The following DOCK1 variants were observed in gnomAD, a reference collection of about 807,000 sequenced individuals.
DOCK1 encodes dedicator of cytokinesis protein 1.
In DOCK1, 138 loss-of-function variants were observed where a neutral mutation model predicts 262.7. The observed-to-expected ratio is 0.53, with a 90% CI of 0.46 to 0.61. DOCK1 has a LOEUF of 0.61. Among genes scored for constraint, DOCK1 ranks in the 20% least tolerant of loss-of-function variants. DOCK1 has a pLI of 0.00. For synonymous variants in DOCK1, 866 were observed against 867.4 expected (o/e 1.00, Z 0.03); for missense variants, 1,908 against 2,370.7 (o/e 0.80, Z 4.05).
At chr10:127,079,147 G>T (rs1212650141) in intron 23 of DOCK1, among the ~76,000 whole-genome samples, 1 of 152,152 alleles carries the variant, frequency 6.6e-6, no homozygotes, top group Admixed American at 6.5e-5. Context: ...GTTTGCACCA[G>T]ATTAAAGAAC....
intron 38 of DOCK1, among the ~76,000 whole-genome samples, chr10:127,397,350 A>G (rs11017850): frequency 0.082 from 11,769 of 143,258 alleles, 45 homozygotes; most frequent in African/African-American, 0.14. Flanking sequence ...GGTGTCTCCT[A>G]TGTGATCTGA....
intron 29 of DOCK1, among the ~76,000 whole-genome samples, chr10:127,277,637 C>T (rs2060790769): frequency 6.6e-6 from 1 of 152,068 alleles, no homozygotes; most frequent in Non-Finnish European, 1.5e-5. Context: ...GTGGCGGGCA[C>T]CTGTAATCAC....
chr10:127,361,816 T>G (rs1313220280), intron 32 of DOCK1, among the ~76,000 whole-genome samples: 1 of 152,216 alleles, frequency 6.6e-6, no homozygotes, highest in Non-Finnish European at 1.5e-5. Flanking sequence ...AGAGAAGTCA[T>G]GATTACAGGC....
chr10:127,263,167 A>G (rs1057365120), intron 29 of DOCK1, among the ~76,000 whole-genome samples: 8 of 152,198 alleles, frequency 5.3e-5, no homozygotes, highest in Admixed American at 2.0e-4. Flanking sequence ...TTACATTGCT[A>G]CTTACTTTCT....
In DOCK1 at chr10:127,005,058, C is replaced by T. The variant is rs140309807; in HGVS notation, c.986-3674C>T. ...TTGTTACTAAGAAAGGATACTTGGTCGGGTGCAGTGGCTCACACCTGTAAT... is the reference window on the plus strand; with the variant it reads ...TTGTTACTAAGAAAGGATACTTGGTTGGGTGCAGTGGCTCACACCTGTAAT... On this transcript the variant is annotated intron_variant, in intron 10 of 51. Coordinates refer to ENST00000623213, the MANE Select transcript of DOCK1 (RefSeq NM_001290223.2). Among the ~76,000 whole-genome samples, 517 of 152,092 alleles carry T rather than the reference C, an allele frequency of 3.4e-3. 5 individuals carry two copies. The highest frequency in any genetic ancestry group is 0.012 in the African/African-American group (493 of 41,510).
chr10:127,442,261 ACTC>A (rs1182388067), intron 49 of DOCK1, among the ~76,000 whole-genome samples: 6 of 151,556 alleles, frequency 4.0e-5, no homozygotes, highest in African/African-American at 1.2e-4. Flanking sequence ...GGCACAGCTG[ACTC>A]CTCCTGGGGC....
intron 23 of DOCK1, among the ~76,000 whole-genome samples, chr10:127,098,293 A>C (rs2048026327): frequency 6.6e-6 from 1 of 152,236 alleles, no homozygotes. Flanking sequence ...TGATTTGGGA[A>C]CTGATTCTAC....
chr10:127,103,749 A>T (rs185647918), intron 23 of DOCK1, among the ~76,000 whole-genome samples: 26 of 152,236 alleles, frequency 1.7e-4, no homozygotes, highest in Admixed American at 1.7e-3. Flanking sequence ...AGTTCTTGTT[A>T]ACCTTATGAG....
intron 26 of DOCK1, among the ~76,000 whole-genome samples, chr10:127,126,626 C>T (rs1409898631): frequency 6.6e-6 from 1 of 152,166 alleles, no homozygotes; most frequent in Admixed American, 6.5e-5. Context: ...AAGTCTGACC[C>T]TGTGCCTTTC....
intron 1 of DOCK1, among the ~76,000 whole-genome samples, chr10:126,947,734 TGTTGGTGGTG>T: frequency 6.8e-6 from 1 of 146,894 alleles, no homozygotes; most frequent in Non-Finnish European, 1.5e-5. Flanking sequence ...GTAGTATTAC[TGTTGGTGGTG>T]ATGGTGGTGG....
chr10:127,144,011 GCTC>G (rs974607458), intron 27 of DOCK1, among the ~76,000 whole-genome samples: 16 of 152,054 alleles, frequency 1.1e-4, no homozygotes, highest in Non-Finnish European at 1.5e-5. Context: ...AGCTCAACTT[GCTC>G]CTCCTGCCTC....
chr10:127,400,704 C>G (rs1463447992), intron 38 of DOCK1, among the ~76,000 whole-genome samples: 1 of 138,866 alleles, frequency 7.2e-6, no homozygotes, highest in Non-Finnish European at 1.7e-5. Flanking sequence ...TGGGAAAAGC[C>G]AAAATCACCT....
intron 38 of DOCK1, among the ~76,000 whole-genome samples, chr10:127,391,846 G>A (rs2066496571): frequency 6.6e-6 from 1 of 152,048 alleles, no homozygotes; most frequent in Non-Finnish European, 1.5e-5. Flanking sequence ...TTCCGCTCCT[G>A]CAGATAGATA....
intron 27 of DOCK1, among the ~76,000 whole-genome samples, chr10:127,186,508 CCCCCCCG>C (rs1185453608): frequency 0.32 from 4,767 of 14,964 alleles, 1,537 homozygotes; most frequent in Non-Finnish European, 0.59. Context: ...GGAGAAACCG[CCCCCCCG>C]CCCCCCCCCG....
At chr10:127,070,192 A>G (rs1009039102) in intron 23 of DOCK1, among the ~76,000 whole-genome samples, 1 of 151,770 alleles carries the variant, frequency 6.6e-6, no homozygotes, top group African/African-American at 2.4e-5. Context: ...ATTATATCTG[A>G]AAAAAGACTG....
At chr10:127,450,608 G>A (rs1028895333) in intron 51 of DOCK1, among the ~76,000 whole-genome samples, 18 of 152,164 alleles carry the variant, frequency 1.2e-4, no homozygotes, top group African/African-American at 3.1e-4. Context: ...TGGGCATGAG[G>A]GTCCCAAAAG....
At chr10:127,147,038 GTAATACATTACCAAGAA>G (rs1320924225) in intron 27 of DOCK1, among the ~76,000 whole-genome samples, 2 of 152,184 alleles carry the variant, frequency 1.3e-5, no homozygotes, top group East Asian at 3.8e-4. Flanking sequence ...TATTGGTGTT[GTAATACATTACCAAGAA>G]TGATGTGAGA....
chr10:127,028,320 C>T (rs952079157), intron 16 of DOCK1, among the ~76,000 whole-genome samples: 2 of 152,090 alleles, frequency 1.3e-5, no homozygotes, highest in Non-Finnish European at 1.5e-5. Flanking sequence ...CCTTGGTGGC[C>T]GAAGCTGTAG....
intron 27 of DOCK1, among the ~76,000 whole-genome samples, chr10:127,220,777 T>C (rs531876913): frequency 6.6e-6 from 1 of 152,292 alleles, no homozygotes; most frequent in African/African-American, 2.4e-5. Flanking sequence ...CCTTTTTTTT[T>C]TCCCTTTAAT....
Sources: allele counts gnomAD v4.1 joint callset (sites outside exome capture counted in the v4.1 genomes callset), GRCh38; gene constraint gnomAD v4.1.1; transcripts MANE v1.5; gene names NCBI Gene and HGNC (gene_info 2026-07-23, HGNC 2026-07-21).